Variants in RASGEF1B observed in about 807,000 individuals in gnomAD.
RASGEF1B encodes ras-GEF domain-containing family member 1B.
In RASGEF1B, 30 loss-of-function variants were observed where a neutral mutation model predicts 65.7. The observed-to-expected ratio is 0.46, with a 90% CI of 0.34 to 0.62. The LOEUF (loss-of-function observed/expected upper bound fraction) is 0.62, where lower values mean the gene tolerates loss of function less well. Among genes scored for constraint, RASGEF1B ranks in the 20% least tolerant of loss-of-function variants. The pLI is 0.01. For synonymous variants in RASGEF1B, 175 were observed against 194.8 expected, an observed-to-expected ratio of 0.90 and a Z score of 0.85; for missense variants, 495 against 580.1, an observed-to-expected ratio of 0.85 and a Z score of 1.51.
At chr4:81,456,555 G>T in intron 4 of RASGEF1B, 96 bp downstream of exon 4, 1 of 1,352,912 alleles carries the variant, frequency 7.4e-7, no homozygotes, top group Non-Finnish European at 1.1e-6. Context: ...AAAACAGAGA[G>T]GAAGCAGTGG....
rs1159287226 is a variant in RASGEF1B, at chr4:81,457,727, G to A, written c.178-106C>T. The A allele has an allele frequency of 3.8e-6, 5 of 1,303,198 alleles. No individual in the cohort carries two copies. The African/African-American group carries it at 7.4e-5, about 19-fold the overall frequency. The allele number at this position is 1,303,198 out of a possible 1,614,324, so 80.7% of individuals were successfully genotyped here. A position where few individuals can be genotyped will look rare whatever the true frequency, so the allele number is the denominator to read the frequency against. On this transcript the variant is annotated intron_variant, in intron 2 of 13. Coordinates refer to ENST00000264400, the MANE Select transcript of RASGEF1B (RefSeq NM_152545.3). ...TAAGTTCTCCTGATCAAGTTCATAT[G>A]CTGCAGTTTCAAAAGTAATGCCTAC...
intron 1 of RASGEF1B, among the ~76,000 whole-genome samples, chr4:81,465,015 C>T (rs556909323): frequency 1.5e-3 from 220 of 149,602 alleles, no homozygotes; most frequent in African/African-American, 5.1e-3. Context: ...CCCTGGGAAG[C>T]GGAGGTTGTT....
intron 6 of RASGEF1B, among the ~76,000 whole-genome samples, chr4:81,446,496 T>G (rs763041766): frequency 1.2e-4 from 18 of 152,064 alleles, no homozygotes; most frequent in Non-Finnish European, 1.9e-4. Context: ...TCAGATAGAG[T>G]GCAAATACCA....
At chr4:81,470,767 T>C (rs1722993539) in intron 1 of RASGEF1B, among the ~76,000 whole-genome samples, 2 of 152,182 alleles carry the variant, frequency 1.3e-5, no homozygotes, top group East Asian at 1.9e-4. Context: ...AATCTCCTTG[T>C]GTTATCTGCC....
Position 81,459,406 on chromosome 4 carries a change from C to T in RASGEF1B, c.103G>A (p.Asp35Asn). The change falls in exon 2 of 14, where the codon GAC becomes AAC. Residue 35 changes from aspartate to asparagine, a missense_variant. Coordinates refer to ENST00000264400, the MANE Select transcript of RASGEF1B (RefSeq NM_152545.3). ...AGGGATCCAGAGAGGAGGTTGTTGT[C>T]ATGGTAATACAACCCTCCACAGCTG... is the stretch of plus-strand genomic sequence containing the variant. Reference protein sequence around the residue: ...EDSCGGLYYHDNNLLSGSLEA... With the variant: ...EDSCGGLYYHNNNLLSGSLEA... The T allele has an allele frequency of 3.7e-6, 6 of 1,613,454 alleles. No homozygotes were observed. The highest frequency in any genetic ancestry group is 1.3e-5 in the African/African-American group (1 of 74,976).
rs905705778 is a variant in RASGEF1B, at chr4:81,445,932, A to G, written c.730-94T>C. On this transcript the variant is annotated intron_variant, in intron 6 of 13. Transcript: ENST00000264400. ...AAATACGAGCCTTTAGTCTCAGTTT[A>G]TGGATTAGGAAAGCTTTTGAGAACA... The G allele has an allele frequency of 2.2e-5, 19 of 855,684 alleles. No individual in the cohort carries two copies. The African/African-American group carries it at 3.2e-4, about 15-fold the overall frequency. 53.0% of individuals were successfully genotyped at this position (855,684 alleles called of 1,614,324 possible).
At chr4:81,470,180 T>C (rs1234435936) in intron 1 of RASGEF1B, among the ~76,000 whole-genome samples, 3 of 152,222 alleles carry the variant, frequency 2.0e-5, no homozygotes, top group African/African-American at 4.8e-5. Flanking sequence ...AGCTGCCTTC[T>C]TTTTTTCTGT....
intron 1 of RASGEF1B, among the ~76,000 whole-genome samples, chr4:81,466,377 G>C (rs568646659): frequency 6.6e-6 from 1 of 152,228 alleles, no homozygotes; most frequent in East Asian, 1.9e-4. Context: ...CACCTTCATA[G>C]GGTGTATCTA....
intron 1 of RASGEF1B, among the ~76,000 whole-genome samples, chr4:81,466,794 G>GAA (rs1722843088): frequency 6.9e-6 from 1 of 144,684 alleles, no homozygotes; most frequent in Non-Finnish European, 1.5e-5. Context: ...AAGAAAGAAA[G>GAA]AAAGAAAGAA....
chr4:81,468,249 AAGT>A (rs1413522946), intron 1 of RASGEF1B, among the ~76,000 whole-genome samples: 2 of 152,212 alleles, frequency 1.3e-5, no homozygotes, highest in Non-Finnish European at 2.9e-5. Flanking sequence ...GTTTATTAAA[AAGT>A]AGAGTTTTCT....
At chr4:81,454,849 G>A (rs1722389317) in intron 4 of RASGEF1B, 1 of 152,080 alleles carries the variant, frequency 6.6e-6, no homozygotes, top group Admixed American at 6.5e-5. Context: ...ATACAGGAAA[G>A]CCCATACAAA....
rs1004912931 is a variant in RASGEF1B at position 81,456,863 on chromosome 4, C to T, written c.301-75G>A. The T allele has an allele frequency of 6.9e-5, 91 of 1,321,956 alleles. 2 individuals are homozygous for T. In the South Asian group the frequency reaches 8.5e-4, roughly 12 times the overall value. 81.9% of individuals were successfully genotyped at this position (1,321,956 alleles called of 1,614,324 possible). A position where few individuals can be genotyped will look rare whatever the true frequency, so the allele number is the denominator to read the frequency against. ...ACATCAAATCAATAGTTACAAAGAG[C>T]GTCACTGAGAAACTTCTAGTGCAAA... On this transcript the variant is annotated intron_variant, in intron 3 of 13. Coordinates refer to ENST00000264400, the MANE Select transcript of RASGEF1B (RefSeq NM_152545.3).
At chr4:81,440,385 C>T (rs1263859727) in intron 10 of RASGEF1B, among the ~76,000 whole-genome samples, 1 of 152,140 alleles carries the variant, frequency 6.6e-6, no homozygotes, top group Admixed American at 6.5e-5. Flanking sequence ...AACAGCACAC[C>T]TAATGCTATA....
chr4:81,434,584 G>A (rs749674604), intron 11 of RASGEF1B, 55 bp downstream of exon 11: 10 of 993,022 alleles, frequency 1.0e-5, no homozygotes, highest in Non-Finnish European at 1.6e-5. Flanking sequence ...CGGTGCTGGA[G>A]AAGCTGCCCC....
At chr4:81,446,203 C>T (rs1248333727) in intron 6 of RASGEF1B, among the ~76,000 whole-genome samples, 1 of 152,112 alleles carries the variant, frequency 6.6e-6, no homozygotes, top group Non-Finnish European at 1.5e-5. Context: ...GGTGAAACCC[C>T]GTCTCTACTA....
chr4:81,443,742 A>G (rs1011004624), intron 8 of RASGEF1B, among the ~76,000 whole-genome samples: 3 of 152,246 alleles, frequency 2.0e-5, no homozygotes, highest in African/African-American at 7.2e-5. Context: ...TTCTTTTACA[A>G]ATCTTTCTGT....
chr4:81,447,193 A>T (rs999974865), intron 6 of RASGEF1B, among the ~76,000 whole-genome samples: 2 of 152,136 alleles, frequency 1.3e-5, no homozygotes, highest in Non-Finnish European at 2.9e-5. Context: ...ATCTGCTAAA[A>T]CCATTATGCT....
In RASGEF1B at chr4:81,433,901, T is replaced by A. The variant is rs1333757990; in HGVS notation, c.1263A>T (p.Pro421=). The A allele has an allele frequency of 6.2e-7, 1 of 1,613,988 alleles. No individual in the cohort carries two copies. The highest frequency in any genetic ancestry group is 1.3e-5 in the African/African-American group (1 of 74,936). ...GCAAGATCTTCCGGTCCCTCTCAAA[T>A]GGACACTCCACTTGTTTCCATGTCA... is the stretch of plus-strand genomic sequence containing the variant. ...EFMTWKQVEC[P]FERDRKILQY... is the part of the protein sequence containing the mutation. Residue 421 remains proline, a synonymous_variant, in exon 12 of 14, where the codon CCA becomes CCT. Transcript: ENST00000264400.
intron 1 of RASGEF1B, among the ~76,000 whole-genome samples, chr4:81,462,782 C>T (rs1487853418): frequency 6.6e-6 from 1 of 152,194 alleles, no homozygotes; most frequent in Non-Finnish European, 1.5e-5. Flanking sequence ...TTCCAGGTCT[C>T]TCTTATGACA....
Sources: allele counts gnomAD v4.1 joint callset (sites outside exome capture counted in the v4.1 genomes callset), GRCh38; gene constraint gnomAD v4.1.1; transcripts MANE v1.5; gene names NCBI Gene and HGNC (gene_info 2026-07-23, HGNC 2026-07-21).